PARVB: variants seen among roughly 807,000 people sequenced by gnomAD.
PARVB encodes beta-parvin.
In PARVB, 46 loss-of-function variants were observed where a neutral mutation model predicts 47.0. The observed-to-expected ratio is 0.98, with a 90% confidence interval of 0.77 to 1.25. The LOEUF is 1.25. Ranked by LOEUF, PARVB falls within the 50% of genes most tolerant of loss-of-function variation. The pLI is 0.00. For missense variants in PARVB, 473 were observed against 471.6 expected, an observed-to-expected ratio of 1.00 and a Z score of -0.03; for synonymous variants, 196 against 196.3, an observed-to-expected ratio of 1.00 and a Z score of 0.01.
chr22:44,135,881 G>A (rs1269371548), intron 6 of PARVB, among the ~76,000 whole-genome samples: 1 of 152,050 alleles, frequency 6.6e-6, no homozygotes, highest in Admixed American at 6.6e-5. Context: ...CCCTCTGTCT[G>A]TTTCTGTGTC....
intron 4 of PARVB, among the ~76,000 whole-genome samples, chr22:44,122,520 CAGAGAGACAGAGAG>C (rs2053077916): frequency 1.0e-4 from 5 of 49,830 alleles, no homozygotes; most frequent in Admixed American, 2.3e-4. Flanking sequence ...GAGAGAGAGA[CAGAGAGACAGAGAG>C]AGAGAGAGAG....
intron 1 of PARVB, among the ~76,000 whole-genome samples, chr22:44,032,938 C>T (rs2050850716): frequency 6.6e-6 from 1 of 152,196 alleles, no homozygotes; most frequent in African/African-American, 2.4e-5. Flanking sequence ...GTCATTTCAG[C>T]AGCACTGGCT....
At chr22:44,023,089 C>T (rs1483906807), upstream of PARVB, among the ~76,000 whole-genome samples, 2 of 152,166 alleles carry the variant, frequency 1.3e-5, no homozygotes, top group Non-Finnish European at 2.9e-5. Flanking sequence ...TGGCTGTGAG[C>T]ATCTCAGAAA....
At chr22:44,156,788 A>C (rs2053945350) in intron 10 of PARVB, among the ~76,000 whole-genome samples, 1 of 152,338 alleles carries the variant, frequency 6.6e-6, no homozygotes, top group African/African-American at 2.4e-5. Context: ...ATAAATGGAT[A>C]TGCGATTCCA....
rs536636399 is a variant in PARVB, at chr22:44,044,701, G to A, written c.112+20250G>A. 7.0e-4 allele frequency among the ~76,000 whole-genome samples: 106 copies of A among 151,304 alleles called. 1 individual carries two copies. Among genetic ancestry groups the A allele is most frequent in the African/African-American group, 2.6e-3 (105 of 41,124 alleles). ...GGGTTTTACCATGTTGGCCAGGTGG[G>A]TCTCAAACTCCTGACCTCAAGTGAT... On this transcript the variant is annotated intron_variant, in intron 1 of 12. Transcript: ENST00000338758.
intron 6 of PARVB, among the ~76,000 whole-genome samples, chr22:44,134,885 T>G (rs2053409045): frequency 6.6e-6 from 1 of 152,228 alleles, no homozygotes; most frequent in African/African-American, 2.4e-5. Flanking sequence ...AACATCCAGC[T>G]TCATGTCTAC....
chr22:44,060,040 C>T (rs138830717), intron 1 of PARVB, among the ~76,000 whole-genome samples: 4 of 152,032 alleles, frequency 2.6e-5, no homozygotes, highest in East Asian at 1.9e-4. Context: ...TGAGACCAGG[C>T]GTGGGGGCTC....
At chr22:44,061,865 C>A (rs2051426838) in intron 1 of PARVB, among the ~76,000 whole-genome samples, 1 of 152,178 alleles carries the variant, frequency 6.6e-6, no homozygotes, top group Non-Finnish European at 1.5e-5. Flanking sequence ...GATCCACCCG[C>A]TTTGGCCTCC....
chr22:44,140,193 C>T, intron 8 of PARVB, 50 bp downstream of exon 8: 2 of 1,584,456 alleles, frequency 1.3e-6, no homozygotes, highest in Non-Finnish European at 1.7e-6. Context: ...TAGGGCTCCC[C>T]CAGGAAGCTC....
chr22:44,138,489 C>T (rs1166515360), intron 7 of PARVB, among the ~76,000 whole-genome samples: 1 of 152,098 alleles, frequency 6.6e-6, no homozygotes, highest in East Asian at 1.9e-4. Context: ...AGGTTCTCCT[C>T]AGGGCTGGTC....
chr22:44,056,905 G>T (rs964656431), intron 1 of PARVB, among the ~76,000 whole-genome samples: 2 of 148,376 alleles, frequency 1.3e-5, no homozygotes, highest in South Asian at 4.4e-4. Flanking sequence ...GTGCCCAGGG[G>T]TTAGAGGCTT....
chr22:44,133,493 G>A (rs1344755542), intron 6 of PARVB, among the ~76,000 whole-genome samples: 4 of 152,222 alleles, frequency 2.6e-5, no homozygotes, highest in Admixed American at 6.5e-5. Context: ...AACAGAGGGT[G>A]AAGTAGAGTT....
upstream of PARVB, among the ~76,000 whole-genome samples, chr22:44,023,908 C>T (rs141274830): frequency 4.7e-3 from 713 of 152,378 alleles, 5 homozygotes; most frequent in African/African-American, 0.014. Context: ...CTCCCCCTGC[C>T]CCGGGCCTGG....
In PARVB at chr22:44,118,413, T is replaced by G. The variant is rs1214520599; in HGVS notation, c.274-625T>G. Among the ~76,000 whole-genome samples the G allele has an allele frequency of 2.0e-5, 3 of 152,070 alleles. No individual in the cohort carries two copies. The East Asian group carries it at 5.8e-4, about 29-fold the overall frequency. The stretch of plus-strand genomic sequence containing the variant: ...CTTTTAAAGGATGAATTGTGTGGAG[T>G]GAGAATTCTATCTCAATAAGGGTGC... On this transcript the variant is annotated intron_variant, in intron 3 of 12. Transcript: ENST00000338758.
rs889899809 is a variant in PARVB, at chr22:44,125,349, T to C, written c.377-6138T>C. 2.6e-5 allele frequency among the ~76,000 whole-genome samples: 4 copies of C among 152,192 alleles called. No individual in the cohort carries two copies. The highest frequency in any genetic ancestry group is 9.7e-5 in the African/African-American group (4 of 41,446). On this transcript the variant is annotated intron_variant, in intron 4 of 12. Coordinates refer to ENST00000338758, the MANE Select transcript of PARVB (RefSeq NM_013327.5). This position sits in a 1 kb window ranked among gnomAD's most constrained non-coding sequence, Gnocchi z 4.1. ...CTGCCCACTCCCCCAGCACACATTC[T>C]AGCAGAGTGAAGAAAGAGAAGTATT...
At chr22:44,098,366 G>A (rs1032934578) in intron 2 of PARVB, among the ~76,000 whole-genome samples, 9 of 152,132 alleles carry the variant, frequency 5.9e-5, no homozygotes, top group Admixed American at 1.3e-4. Context: ...TTTGGCATTC[G>A]GGCTCAAGGA....
At chr22:44,123,053 A>G (rs1020299630) in intron 4 of PARVB, among the ~76,000 whole-genome samples, 3 of 152,180 alleles carry the variant, frequency 2.0e-5, no homozygotes, top group African/African-American at 7.2e-5. Flanking sequence ...GGAATTCTCA[A>G]ATTCTGAGAG....
intron 1 of PARVB, among the ~76,000 whole-genome samples, chr22:44,036,526 T>A (rs142372501): frequency 6.6e-6 from 1 of 152,198 alleles, no homozygotes; most frequent in Non-Finnish European, 1.5e-5. Flanking sequence ...TTTTTTCAAA[T>A]TGTCACAAAT....
intron 2 of PARVB, among the ~76,000 whole-genome samples, chr22:44,013,034 C>T (rs941052071): frequency 1.3e-5 from 2 of 151,902 alleles, no homozygotes; most frequent in Non-Finnish European, 2.9e-5. Context: ...GTAGCTAAGA[C>T]TACAGGCACG....
Sources: allele counts gnomAD v4.1 joint callset (sites outside exome capture counted in the v4.1 genomes callset), GRCh38; gene constraint gnomAD v4.1.1; non-coding constraint Gnocchi (gnomAD v3.1); transcripts MANE v1.5; gene names NCBI Gene and HGNC (gene_info 2026-07-23, HGNC 2026-07-21).